The following GPC1 variants were observed in gnomAD, a reference collection of about 807,000 sequenced individuals.
GPC1 encodes the protein glypican-1.
GPC1 carries 26 observed loss-of-function variants against 51.5 expected under a neutral mutation model. That is an observed-to-expected ratio of 0.50 (90% CI 0.37 to 0.70). GPC1 has a LOEUF of 0.70. GPC1 is among the 30% of genes least tolerant of loss of function. The probability of loss-of-function intolerance (pLI) is 0.00; values close to 1 mark genes in which losing one functional copy is unlikely to be tolerated. For synonymous variants in GPC1, 380 were observed against 348.3 expected, an observed-to-expected ratio of 1.09 and a Z score of -1.01; for missense variants, 775 against 800.5, an observed-to-expected ratio of 0.97 and a Z score of 0.38.
At chr2:240,444,476 C>G (rs1437736390) in intron 1 of GPC1, among the ~76,000 whole-genome samples, 3 of 152,150 alleles carry the variant, frequency 2.0e-5, no homozygotes, top group Non-Finnish European at 4.4e-5. Context: ...GCAGTGACCC[C>G]GATGCTCTGA....
intron 1 of GPC1, among the ~76,000 whole-genome samples, chr2:240,443,538 G>A (rs1240511370): frequency 6.6e-6 from 1 of 152,160 alleles, no homozygotes; most frequent in African/African-American, 2.4e-5. Context: ...GACCTCCCAG[G>A]GCTGTGGTGG....
chr2:240,465,362 T>C lies in GPC1; in HGVS notation c.1269-111T>C, dbSNP rs1038045457. 6 of 1,344,908 alleles carry C rather than the reference T, an allele frequency of 4.5e-6. No homozygotes were observed. The African/African-American group carries it at 8.6e-5, about 19-fold the overall frequency. The allele number at this position is 1,344,908 out of a possible 1,614,324, so 83.3% of individuals were successfully genotyped here. A position where few individuals can be genotyped will look rare whatever the true frequency, so the allele number is the denominator to read the frequency against. ...GCCTGTGTGGGCTCTGCTCGGTCCC[T>C]GGAAGCTGCTGGGCATCTCAGGCTC... On this transcript the variant is annotated intron_variant, in intron 7 of 8. Transcript: ENST00000264039.
At chr2:240,463,533 G>T in intron 4 of GPC1, 21 bp downstream of exon 4, 1 of 1,610,468 alleles carries the variant, frequency 6.2e-7, no homozygotes, top group Non-Finnish European at 8.5e-7. Context: ...ACCCGCGAGA[G>T]CGGCCTGGAA....
rs772468129 is a variant in GPC1 at position 240,467,471 on chromosome 2, G to C, written c.*1181G>C. On this transcript the variant is annotated 3_prime_UTR_variant, in exon 9 of 9. Transcript: ENST00000264039. ...CCACCTTGGACCCTGGTGACCTCCT[G>C]TCACTCACTGAGGCCATCAGGGCCC... The C allele has an allele frequency of 6.6e-6, 1 of 152,244 alleles. No homozygotes were observed. The highest frequency in any genetic ancestry group is 1.5e-5 in the Non-Finnish European group (1 of 68,054). The allele number at this position is 152,244 out of a possible 1,614,324, so 9.4% of individuals were successfully genotyped here.
intron 1 of GPC1, among the ~76,000 whole-genome samples, chr2:240,442,701 G>A (rs1033074287): frequency 2.6e-5 from 4 of 152,204 alleles, no homozygotes; most frequent in African/African-American, 9.7e-5. Flanking sequence ...CAGCCATGTG[G>A]GTTTTGGGGG....
intron 1 of GPC1, chr2:240,451,407 G>A (rs899372481): frequency 7.9e-6 from 3 of 380,582 alleles, no homozygotes; most frequent in East Asian, 7.5e-5. Context: ...TGCAGTGGGT[G>A]TACGGGAAGC....
intron 1 of GPC1, chr2:240,449,350 C>T (rs2074076301): frequency 6.9e-6 from 1 of 144,454 alleles, no homozygotes; most frequent in Admixed American, 7.1e-5. Context: ...GGCCGCCGGA[C>T]TTAGCGGATG....
chr2:240,463,628 T>C (rs1022932809), intron 4 of GPC1, 116 bp downstream of exon 4: 3 of 849,086 alleles, frequency 3.5e-6, no homozygotes, highest in Non-Finnish European at 3.7e-6. Flanking sequence ...TGATCAGGGA[T>C]GCCCTGACCC....
intron 1 of GPC1, among the ~76,000 whole-genome samples, chr2:240,439,705 A>G (rs1271393723): frequency 6.6e-6 from 1 of 152,086 alleles, no homozygotes; most frequent in Non-Finnish European, 1.5e-5. Flanking sequence ...TCTGCTTCTC[A>G]GTCCTGCTCA....
Position 240,465,472 on chromosome 2 carries a change from G to C in GPC1, c.1269-1G>C. ...CTGGGCTCTGCCTGCCTTTCCCCCA[G>C]GTACCTCCCCGAGGTCATGGGTGAC... is the stretch of plus-strand genomic sequence containing the variant. On this transcript the variant is annotated splice_acceptor_variant, in intron 7 of 8. Coordinates refer to ENST00000264039, the MANE Select transcript of GPC1 (RefSeq NM_002081.3). LOFTEE classifies it high-confidence loss of function. The C allele has an allele frequency of 6.2e-7, 1 of 1,612,786 alleles. No individual in the cohort carries two copies. The highest frequency in any genetic ancestry group is 1.1e-5 in the South Asian group (1 of 91,068).
At chr2:240,436,159 G>A in intron 1 of GPC1, 75 bp downstream of exon 1, 2 of 1,040,196 alleles carry the variant, frequency 1.9e-6, no homozygotes, top group Middle Eastern at 3.6e-4. Context: ...TCCCGACGCG[G>A]CTACTCGCCC....
chr2:240,439,025 T>G (rs574298596), intron 1 of GPC1, among the ~76,000 whole-genome samples: 111 of 152,312 alleles, frequency 7.3e-4, no homozygotes, highest in African/African-American at 2.4e-3. Flanking sequence ...GGCCTCCTGC[T>G]TTTGCTTGCA....
intron 1 of GPC1, chr2:240,451,636 A>G (rs561862906): frequency 1.9e-4 from 44 of 226,956 alleles, no homozygotes; most frequent in Non-Finnish European, 3.7e-4. Flanking sequence ...TACAGCCAAG[A>G]CACCGGGTCC....
chr2:240,442,965 C>T (rs1192723948), intron 1 of GPC1, among the ~76,000 whole-genome samples: 1 of 152,266 alleles, frequency 6.6e-6, no homozygotes, highest in African/African-American at 2.4e-5. Context: ...GCCTGGTCCC[C>T]ACAAGCCTGG....
At chr2:240,464,005 T>G (rs139957789) in intron 4 of GPC1, 57 of 207,942 alleles carry the variant, frequency 2.7e-4, no homozygotes, top group Non-Finnish European at 4.5e-4. Context: ...TGTGGTAATA[T>G]GTACATGCTT....
intron 1 of GPC1, among the ~76,000 whole-genome samples, chr2:240,454,115 T>C (rs1009875644): frequency 2.0e-5 from 3 of 150,730 alleles, no homozygotes; most frequent in Admixed American, 6.6e-5. Flanking sequence ...GGAAGCACGA[T>C]GGGGTGAGTC....
intron 1 of GPC1, among the ~76,000 whole-genome samples, chr2:240,447,274 G>T (rs1019111164): frequency 6.6e-6 from 1 of 152,156 alleles, no homozygotes; most frequent in African/African-American, 2.4e-5. Context: ...CTCGAGCTAT[G>T]CCCCGACACA....
At position 240,435,905 on chromosome 2, in the gene GPC1, C is replaced by T. The variant is rs779658682; in HGVS notation, c.-14C>T. 454 of 1,234,896 alleles carry T rather than the reference C, an allele frequency of 3.7e-4. 6 individuals are homozygous for T. The highest frequency in any genetic ancestry group is 1.9e-3 in the Middle Eastern group (6 of 3,182). The allele number at this position is 1,234,896 out of a possible 1,614,324, so 76.5% of individuals were successfully genotyped here. A position where few individuals can be genotyped will look rare whatever the true frequency, so the allele number is the denominator to read the frequency against. On this transcript the variant is annotated 5_prime_UTR_variant, in exon 1 of 9. Transcript: ENST00000264039. ...AGGCGCGGGCGGGTGGCCGGGGGCG[C>T]CGCCGGCCCCGCCATGGAGCTCCGG...
intron 8 of GPC1, 75 bp from the exon 9 acceptor site, chr2:240,465,983 C>CGTA (rs10700206): frequency 2.4e-6 from 2 of 845,890 alleles, no homozygotes; most frequent in South Asian, 3.2e-5. Context: ...TCACCTGGCA[C>CGTA]GGGCCCTTAC....
Sources: gnomAD v4.1 joint callset for allele counts (sites outside exome capture counted in the v4.1 genomes callset) on GRCh38, gnomAD v4.1.1 for gene constraint, MANE v1.5 for transcripts, NCBI Gene and HGNC (gene_info 2026-07-23, HGNC 2026-07-21) for gene names.